Variants in ARHGAP15 observed in about 807,000 individuals in gnomAD.
The protein encoded by ARHGAP15 is rho GTPase-activating protein 15.
Under a neutral mutation model 63.7 loss-of-function variants are expected in ARHGAP15, and 51 were observed. That is an observed-to-expected ratio of 0.80 (90% confidence interval 0.64 to 1.01). The LOEUF is 1.01. Ranked by LOEUF, ARHGAP15 falls within the 50% of genes least tolerant of loss-of-function variation. The pLI is 0.00. For missense variants in ARHGAP15, 560 were observed against 564.6 expected (o/e 0.99, Z 0.08); for synonymous variants, 191 against 193.8 (o/e 0.99, Z 0.12).
rs869266541 is a variant in ARHGAP15 at position 143,606,035 on chromosome 2, C to CAAAAAAAAAAAAAAAAAAAAAAA, written c.1004-18085_1004-18063dup. Among the ~76,000 whole-genome samples the CAAAAAAAAAAAAAAAAAAAAAAA allele has an allele frequency of 2.2e-4, 5 of 22,874 alleles. 2 individuals are homozygous for CAAAAAAAAAAAAAAAAAAAAAAA. Among genetic ancestry groups the CAAAAAAAAAAAAAAAAAAAAAAA allele is most frequent in the East Asian group, 4.6e-3 (2 of 434 alleles). The allele number at this position is 22,874 out of a possible 152,430, so 15.0% of individuals were successfully genotyped here. The stretch of plus-strand genomic sequence containing the variant: ...TGGGCGCCAGAGCAAGACTCTGTCT[C>CAAAAAAAAAAAAAAAAAAAAAAA]AAAAAAAAAAAAAAAAAAAAAAAAA... On this transcript the variant is annotated intron_variant, in intron 11 of 13. Coordinates refer to ENST00000295095, the MANE Select transcript of ARHGAP15 (RefSeq NM_018460.4).
chr2:143,358,156 G>C (rs1050211554), intron 6 of ARHGAP15, among the ~76,000 whole-genome samples: 2 of 152,174 alleles, frequency 1.3e-5, no homozygotes, highest in Non-Finnish European at 2.9e-5. Flanking sequence ...TGCTCTGCTG[G>C]GGAGCAGATG....
In ARHGAP15 at chr2:143,155,645, T is replaced by C. The variant is rs778571938; in HGVS notation, c.155T>C (p.Val52Ala). 2.0e-5 allele frequency: 31 copies of C among 1,563,588 alleles called. 1 individual carries two copies. The South Asian group carries it at 3.8e-4, about 19-fold the overall frequency. The change falls in exon 2 of 14, where the codon GTC becomes GCC. Residue 52 changes from valine to alanine, a missense_variant. By Grantham distance (64) the Val-to-Ala change is moderately conservative (BLOSUM62 0). Coordinates refer to ENST00000295095, the MANE Select transcript of ARHGAP15 (RefSeq NM_018460.4). ...KSMILTDVGK[V>A]TEPISRHRRN... ...ATGATCCTCACCGATGTCGGGAAGG[T>C]CACTGAACCTGTAAGTCAAATACCC...
At chr2:143,755,730 C>T (rs1024289083) in intron 13 of ARHGAP15, among the ~76,000 whole-genome samples, 2 of 152,110 alleles carry the variant, frequency 1.3e-5, no homozygotes, top group Non-Finnish European at 2.9e-5. Context: ...AATCCCAGCA[C>T]TTTGGAGGGC....
In ARHGAP15 at chr2:143,581,516, G is replaced by C. The variant is rs148393987; in HGVS notation, c.1003+25031G>C. 3.0e-4 allele frequency among the ~76,000 whole-genome samples: 45 copies of C among 152,092 alleles called. No homozygotes were observed. The East Asian group carries it at 8.5e-3, about 29-fold the overall frequency. ...GAGGCAACCTCTCCTTCTCTCCTCT[G>C]GTTTTCCTTCATTTTATCCATGCAT... On this transcript the variant is annotated intron_variant, in intron 11 of 13. Transcript: ENST00000295095.
In ARHGAP15 at chr2:143,517,602, G is replaced by T. The variant is rs115226512; in HGVS notation, c.827-1664G>T. Among the ~76,000 whole-genome samples the T allele has an allele frequency of 6.4e-3, 973 of 152,216 alleles. 10 individuals are homozygous for T. The highest frequency in any genetic ancestry group is 0.022 in the African/African-American group (932 of 41,536). On this transcript the variant is annotated intron_variant, in intron 9 of 13. Transcript: ENST00000295095. ...CAATAATAAATGGTTGAGATATGAC[G>T]CCTACTCTCCTGGGTTTTGCCTTCT...
chr2:143,737,358 G>A (rs1204885825), intron 13 of ARHGAP15, among the ~76,000 whole-genome samples: 2 of 152,182 alleles, frequency 1.3e-5, no homozygotes, highest in African/African-American at 2.4e-5. Flanking sequence ...TATGCAGAAA[G>A]CTTTATTACT....
At chr2:143,613,853 C>T (rs1698355677) in intron 11 of ARHGAP15, among the ~76,000 whole-genome samples, 1 of 152,118 alleles carries the variant, frequency 6.6e-6, no homozygotes, top group Non-Finnish European at 1.5e-5. Flanking sequence ...TCTATACGCC[C>T]ACTCCAACCC....
At chr2:143,273,520 A>G (rs1332213948) in intron 6 of ARHGAP15, among the ~76,000 whole-genome samples, 2 of 152,206 alleles carry the variant, frequency 1.3e-5, no homozygotes, top group Admixed American at 6.5e-5. Context: ...GTTTTATAGT[A>G]TAAAATGTTC....
chr2:143,480,524 G>A (rs1692031167), intron 8 of ARHGAP15, among the ~76,000 whole-genome samples: 1 of 152,146 alleles, frequency 6.6e-6, no homozygotes, highest in African/African-American at 2.4e-5. Context: ...TTAAAACTGA[G>A]CACTGCAGTT....
chr2:143,656,291 CTATCAGAG>C (rs1284436850), intron 12 of ARHGAP15: 1 of 152,206 alleles, frequency 6.6e-6, no homozygotes, highest in African/African-American at 2.4e-5. Flanking sequence ...TCTTCCCAAC[CTATCAGAG>C]CTAACTATGG....
At chr2:143,324,535 A>C (rs1449358268) in intron 6 of ARHGAP15, among the ~76,000 whole-genome samples, 2 of 152,212 alleles carry the variant, frequency 1.3e-5, no homozygotes, top group Non-Finnish European at 2.9e-5. Flanking sequence ...GCAGAGTAGA[A>C]ATGAATTTGT....
At chr2:143,556,251 T>G (rs1695793101) in intron 10 of ARHGAP15, among the ~76,000 whole-genome samples, 157 bp from the exon 11 acceptor site, 1 of 152,124 alleles carries the variant, frequency 6.6e-6, no homozygotes, top group Admixed American at 6.6e-5. Context: ...ATGATTACTT[T>G]GAGATTAAAA....
intron 12 of ARHGAP15, among the ~76,000 whole-genome samples, chr2:143,662,845 C>T (rs1182341082): frequency 1.5e-5 from 2 of 133,756 alleles, no homozygotes; most frequent in Non-Finnish European, 3.2e-5. Flanking sequence ...TGAAATGAAG[C>T]AAGAAGGGAA....
intron 5 of ARHGAP15, among the ~76,000 whole-genome samples, chr2:143,229,037 GTAA>G (rs1693335217): frequency 1.3e-5 from 2 of 152,220 alleles, no homozygotes; most frequent in South Asian, 4.1e-4. Context: ...AAATGCATTA[GTAA>G]TAAATGCTTA....
At chr2:143,303,878 G>GA (rs1187973792) in intron 6 of ARHGAP15, among the ~76,000 whole-genome samples, 1 of 152,234 alleles carries the variant, frequency 6.6e-6, no homozygotes, top group Non-Finnish European at 1.5e-5. Context: ...GGCCATCAGA[G>GA]AAATGCAAAT....
intron 4 of ARHGAP15, among the ~76,000 whole-genome samples, chr2:143,222,609 C>T (rs905889693): frequency 6.6e-6 from 1 of 152,198 alleles, no homozygotes; most frequent in Non-Finnish European, 1.5e-5. Flanking sequence ...TTATTATGTG[C>T]TGCCATCCGG....
intron 8 of ARHGAP15, among the ~76,000 whole-genome samples, chr2:143,468,663 A>AGAGAGAGT (rs764115175): frequency 8.5e-4 from 116 of 136,322 alleles, no homozygotes; most frequent in African/African-American, 3.2e-3. Flanking sequence ...AGAGAGAGAG[A>AGAGAGAGT]GTGTGTGTGT....
chr2:143,676,060 T>C (rs1682810172), intron 12 of ARHGAP15: 1 of 152,526 alleles, frequency 6.6e-6, no homozygotes, highest in Non-Finnish European at 1.5e-5. Context: ...CTGCTTCACC[T>C]TCCACTTTTA....
At chr2:143,473,070 C>T (rs1691655422) in intron 8 of ARHGAP15, among the ~76,000 whole-genome samples, 1 of 152,190 alleles carries the variant, frequency 6.6e-6, no homozygotes, top group Admixed American at 6.5e-5. Flanking sequence ...ACCCACCTCA[C>T]CCCACCTTCA....
Sources: allele counts gnomAD v4.1 joint callset (sites outside exome capture counted in the v4.1 genomes callset), GRCh38; gene constraint gnomAD v4.1.1; transcripts MANE v1.5; gene names NCBI Gene and HGNC (gene_info 2026-07-23, HGNC 2026-07-21).